The following RMND1 variants were observed in gnomAD, a reference collection of about 807,000 sequenced individuals.
The protein encoded by RMND1 is required for meiotic nuclear division 1 homolog.
Under a neutral mutation model 54.0 loss-of-function variants are expected in RMND1, and 41 were observed. That is an observed-to-expected ratio of 0.76 (90% CI 0.59 to 0.98). The LOEUF (loss-of-function observed/expected upper bound fraction) is 0.98. Ranked by LOEUF, RMND1 falls within the 50% of genes least tolerant of loss-of-function variation. RMND1 has a pLI of 0.00. For missense variants in RMND1, 457 were observed against 532.0 expected, an observed-to-expected ratio of 0.86 and a Z score of 1.39; for synonymous variants, 183 against 181.7, an observed-to-expected ratio of 1.01 and a Z score of -0.06.
intron 10 of RMND1, among the ~76,000 whole-genome samples, chr6:151,413,661 G>T (rs1258039537): frequency 2.6e-5 from 4 of 152,138 alleles, no homozygotes; most frequent in Non-Finnish European, 5.9e-5. Context: ...TCCTCCTCTG[G>T]ATCTTCAGCC....
intron 2 of RMND1, among the ~76,000 whole-genome samples, chr6:151,442,102 T>A (rs1213740844): frequency 6.6e-6 from 1 of 152,196 alleles, no homozygotes; most frequent in Non-Finnish European, 1.5e-5. Flanking sequence ...AGAAGTACTG[T>A]GAGTAGATAG....
At chr6:151,416,037 G>C (rs547221831) in intron 10 of RMND1, among the ~76,000 whole-genome samples, 1 of 152,090 alleles carries the variant, frequency 6.6e-6, no homozygotes, top group South Asian at 2.1e-4. Context: ...GGAGTGCAAT[G>C]GCATGACCTC....
chr6:151,423,779 G>A, intron 6 of RMND1, 148 bp from the exon 7 acceptor site: 1 of 624,922 alleles, frequency 1.6e-6, no homozygotes, highest in East Asian at 2.7e-5. Context: ...TTTGGTCCAG[G>A]TAATTCCCTT....
intron 11 of RMND1, 70 bp from the exon 12 acceptor site, chr6:151,405,337 A>T: frequency 7.3e-7 from 1 of 1,376,968 alleles, no homozygotes. Context: ...GACTTCCAAG[A>T]TTGTGATTAA....
intron 7 of RMND1, 25 bp from the exon 8 acceptor site, chr6:151,422,630 C>T (rs1266221303): frequency 4.9e-6 from 6 of 1,228,008 alleles, no homozygotes; most frequent in Non-Finnish European, 6.9e-6. Flanking sequence ...AATAATGGAA[C>T]ATTTCTTTAT....
intron 2 of RMND1, among the ~76,000 whole-genome samples, chr6:151,444,135 T>C (rs1780877055): frequency 6.6e-6 from 1 of 152,260 alleles, no homozygotes; most frequent in Admixed American, 6.5e-5. Context: ...ATCTCTGACC[T>C]ATCAGCTTCT....
chr6:151,436,541 C>G lies in RMND1; in HGVS notation c.518G>C (p.Cys173Ser). ...CTCATCTGCCGTTGCAAATGCTGTGCAGTGCATTAGGTCCTGTTCCAGGGA... is the reference window on the plus strand; with the variant it reads ...CTCATCTGCCGTTGCAAATGCTGTGGAGTGCATTAGGTCCTGTTCCAGGGA... ...VLSVNEDLMH[C>S]TAFATADEYH... is the part of the protein sequence containing the mutation. Residue 173 changes from cysteine to serine, a missense_variant, in exon 3 of 12, where the codon TGC (cysteine) becomes TCC (serine). Physicochemically the swap from Cys to Ser is moderately radical, Grantham distance 112 (BLOSUM62 -1). Transcript: ENST00000444024. 4.3e-6 allele frequency: 7 copies of G among 1,613,816 alleles called. No homozygotes were observed. The highest frequency in any genetic ancestry group is 4.2e-6 in the Non-Finnish European group (5 of 1,179,794).
intron 10 of RMND1, among the ~76,000 whole-genome samples, chr6:151,408,223 G>A (rs900822117): frequency 6.6e-6 from 1 of 152,044 alleles, no homozygotes. Flanking sequence ...AGCTGGGGGC[G>A]GTGGCTCCCA....
intron 2 of RMND1, among the ~76,000 whole-genome samples, chr6:151,438,811 C>A (rs116760719): frequency 7.4e-5 from 11 of 147,846 alleles, no homozygotes; most frequent in African/African-American, 7.5e-5. Context: ...TTTTTTTTTC[C>A]AAAAAAAACC....
chr6:151,424,130 T>C (rs1304094862), intron 6 of RMND1, among the ~76,000 whole-genome samples: 1 of 151,640 alleles, frequency 6.6e-6, no homozygotes, highest in Non-Finnish European at 1.5e-5. Context: ...CGACTACAGG[T>C]GCGAGCCACC....
rs1006469965 is a variant in RMND1 at position 151,452,083 on chromosome 6, A to C, written c.-82T>G. The C allele has an allele frequency of 6.0e-6, 1 of 167,618 alleles. No individual in the cohort carries two copies. Among genetic ancestry groups the C allele is most frequent in the Admixed American group, 6.4e-5 (1 of 15,520 alleles). 10.4% of individuals were successfully genotyped at this position (167,618 alleles called of 1,614,324 possible). On this transcript the variant is annotated 5_prime_UTR_variant, in exon 1 of 12. Transcript: ENST00000444024. ...TTCCTCGGCAGGACTGCAGGGAAAG[A>C]GCCGCACCCCCAGCCTCTCACTACT... is the stretch of plus-strand genomic sequence containing the variant.
rs185342044 is a variant in RMND1, at chr6:151,423,268, A to C, written c.937+257T>G. On this transcript the variant is annotated intron_variant, in intron 7 of 11. Coordinates refer to ENST00000444024, the MANE Select transcript of RMND1 (RefSeq NM_017909.4). ...TCGCATAGAGAGAAGAGAAAAAAACAAAGGCTAATATAATCATCATCTAAA... is the reference window on the plus strand; with the variant it reads ...TCGCATAGAGAGAAGAGAAAAAAACCAAGGCTAATATAATCATCATCTAAA... 3.4e-3 allele frequency among the ~76,000 whole-genome samples: 514 copies of C among 152,280 alleles called. 1 individual carries two copies. The highest frequency in any genetic ancestry group is 0.012 in the African/African-American group (489 of 41,548).
intron 1 of RMND1, 157 bp from the exon 2 acceptor site, chr6:151,445,982 T>C (rs1780943050): frequency 1.4e-6 from 1 of 691,858 alleles, no homozygotes. Flanking sequence ...AAAATATAAG[T>C]ACAGTGTTTC....
chr6:151,433,660 T>A (rs1423374427), intron 3 of RMND1, among the ~76,000 whole-genome samples: 1 of 152,156 alleles, frequency 6.6e-6, no homozygotes, highest in Non-Finnish European at 1.5e-5. Context: ...AATGCAATTT[T>A]AACATTCCCA....
chr6:151,448,491 A>G (rs1464016339), intron 1 of RMND1, among the ~76,000 whole-genome samples: 1 of 152,150 alleles, frequency 6.6e-6, no homozygotes, highest in Non-Finnish European at 1.5e-5. Context: ...ATGAGCAGTA[A>G]TAAGTATCTT....
chr6:151,420,606 T>C (rs1780126409), intron 9 of RMND1: 1 of 152,214 alleles, frequency 6.6e-6, no homozygotes, highest in African/African-American at 2.4e-5. Context: ...GTTATTCCCA[T>C]TTTAACATCT....
At chr6:151,428,528 T>C (rs1044268199) in intron 5 of RMND1, among the ~76,000 whole-genome samples, 3 of 152,200 alleles carry the variant, frequency 2.0e-5, no homozygotes, top group African/African-American at 7.2e-5. Flanking sequence ...TATGTGGACT[T>C]ACACAATATG....
chr6:151,406,828 T>A (rs1028823217), intron 10 of RMND1, among the ~76,000 whole-genome samples: 7 of 152,136 alleles, frequency 4.6e-5, no homozygotes, highest in Non-Finnish European at 8.8e-5. Context: ...TGGAATGCGT[T>A]AACTGCACCA....
At chr6:151,436,607 T>G in intron 2 of RMND1, 53 bp from the exon 3 acceptor site, 1 of 1,589,124 alleles carries the variant, frequency 6.3e-7, no homozygotes, top group Non-Finnish European at 8.6e-7. Flanking sequence ...GAAGCATCTG[T>G]GACGGCTGCT....
Sources: allele counts gnomAD v4.1 joint callset (sites outside exome capture counted in the v4.1 genomes callset), GRCh38; gene constraint gnomAD v4.1.1; transcripts MANE v1.5; gene names NCBI Gene and HGNC (gene_info 2026-07-23, HGNC 2026-07-21).